Variants in FBXL7 observed in about 807,000 individuals in gnomAD.
The protein encoded by FBXL7 is F-box and leucine rich repeat protein 7, also known as F-box/LRR-repeat protein 7.
FBXL7 carries 12 observed loss-of-function variants against 38.3 expected under a neutral mutation model. That is an observed-to-expected ratio of 0.31 (90% CI 0.20 to 0.51). FBXL7 has a LOEUF of 0.51. Among genes scored for constraint, FBXL7 ranks in the 20% least tolerant of loss-of-function variants. The pLI, the probability that FBXL7 is intolerant of heterozygous loss-of-function variation, is 0.98. For synonymous variants in FBXL7, 297 were observed against 300.9 expected (o/e 0.99, Z 0.13); for missense variants, 567 against 676.4 (o/e 0.84, Z 1.79).
intron 2 of FBXL7, among the ~76,000 whole-genome samples, chr5:15,763,190 C>T (rs1012343642): frequency 5.9e-5 from 9 of 152,122 alleles, no homozygotes; most frequent in African/African-American, 2.2e-4. Context: ...CCCAGCCCTT[C>T]GCACTTGCCA....
intron 2 of FBXL7, among the ~76,000 whole-genome samples, chr5:15,793,358 A>G (rs11949939): frequency 0.042 from 6,346 of 152,248 alleles, 439 homozygotes; most frequent in African/African-American, 0.15. Flanking sequence ...TGGGGACTGC[A>G]GGAGTTCCTG....
At chr5:15,932,704 A>G (rs1387495260) in intron 3 of FBXL7, among the ~76,000 whole-genome samples, 5 of 152,068 alleles carry the variant, frequency 3.3e-5, no homozygotes, top group Non-Finnish European at 5.9e-5. Context: ...TTATCTTACT[A>G]CCTGGACTCC....
At chr5:15,686,357 A>G (rs1025387159) in intron 2 of FBXL7, among the ~76,000 whole-genome samples, 1 of 152,180 alleles carries the variant, frequency 6.6e-6, no homozygotes, top group Non-Finnish European at 1.5e-5. Flanking sequence ...GGTAGAGCAC[A>G]TTCCTTTACA....
chr5:15,536,390 C>T (rs914824733), intron 1 of FBXL7, among the ~76,000 whole-genome samples: 1 of 152,234 alleles, frequency 6.6e-6, no homozygotes, highest in African/African-American at 2.4e-5. Context: ...CACTCAATGC[C>T]AGCCCATGAA....
In FBXL7 at chr5:15,937,676, C is replaced by T. The variant is rs549915157; in HGVS notation, c.*490C>T. ...TAAGTCACTCTCTTCAATCCCACAC[C>T]CATGGACATTCTTGTCAACTCAATA... On this transcript the variant is annotated 3_prime_UTR_variant, in exon 4 of 4. Transcript: ENST00000504595. The T allele has an allele frequency of 1.3e-5, 2 of 159,788 alleles. No homozygotes were observed. Among genetic ancestry groups the T allele is most frequent in the Admixed American group, 1.2e-4 (2 of 17,032 alleles). The allele number at this position is 159,788 out of a possible 1,614,324, so 9.9% of individuals were successfully genotyped here.
At chr5:15,702,170 G>C (rs963068961) in intron 2 of FBXL7, among the ~76,000 whole-genome samples, 2 of 151,606 alleles carry the variant, frequency 1.3e-5, no homozygotes, top group Non-Finnish European at 1.5e-5. Context: ...CCCAGGAGGC[G>C]GAGGTTGCCA....
intron 2 of FBXL7, among the ~76,000 whole-genome samples, chr5:15,823,863 C>T (rs1201958982): frequency 1.3e-5 from 2 of 152,222 alleles, no homozygotes; most frequent in African/African-American, 2.4e-5. Flanking sequence ...CCTGAGCACA[C>T]TTTGACCTGG....
chr5:15,701,966 C>T (rs1743537305), intron 2 of FBXL7, among the ~76,000 whole-genome samples: 2 of 152,114 alleles, frequency 1.3e-5, no homozygotes, highest in African/African-American at 4.8e-5. Flanking sequence ...CAGCCAGGTG[C>T]GGTGGTTCAC....
intron 2 of FBXL7, among the ~76,000 whole-genome samples, chr5:15,859,387 G>C (rs1041692372): frequency 5.9e-5 from 9 of 152,170 alleles, no homozygotes; most frequent in African/African-American, 2.2e-4. Flanking sequence ...TGTCACAACT[G>C]CTGGTATCCA....
intron 1 of FBXL7, among the ~76,000 whole-genome samples, chr5:15,556,735 A>G (rs377305162): frequency 2.0e-5 from 3 of 152,314 alleles, no homozygotes; most frequent in African/African-American, 7.2e-5. Context: ...CAATCTCTCA[A>G]TAAATCATCA....
chr5:15,686,306 C>T (rs561171144), intron 2 of FBXL7, among the ~76,000 whole-genome samples: 9 of 152,200 alleles, frequency 5.9e-5, no homozygotes, highest in South Asian at 2.1e-4. Context: ...CTTTTTGTTT[C>T]GTTGTTCATT....
intron 2 of FBXL7, among the ~76,000 whole-genome samples, chr5:15,757,989 T>G (rs1484736308): frequency 6.6e-6 from 1 of 152,048 alleles, no homozygotes; most frequent in Non-Finnish European, 1.5e-5. Flanking sequence ...TCTCTTTGTC[T>G]TGGCACGCGT....
rs1037499073 is a variant in FBXL7, at chr5:15,640,874, A to C, written c.127+24802A>C. Among the ~76,000 whole-genome samples, 8 of 152,196 alleles carry C rather than the reference A, an allele frequency of 5.3e-5. 1 individual carries two copies. Among genetic ancestry groups the C allele is most frequent in the African/African-American group, 1.9e-4 (8 of 41,534 alleles). ...ATAGGGGACACAATTCAATCCATAA[A>C]AGAGCCTTGGGAGTTGGTCTGCTTT... On this transcript the variant is annotated intron_variant, in intron 2 of 3. Transcript: ENST00000504595.
At chr5:15,735,343 G>T (rs1386534718) in intron 2 of FBXL7, among the ~76,000 whole-genome samples, 2 of 152,212 alleles carry the variant, frequency 1.3e-5, no homozygotes, top group African/African-American at 4.8e-5. Context: ...CAGAGGATGT[G>T]AATCAAAGTA....
At chr5:15,821,080 A>G (rs1226457590) in intron 2 of FBXL7, among the ~76,000 whole-genome samples, 2 of 152,008 alleles carry the variant, frequency 1.3e-5, no homozygotes, top group Admixed American at 6.6e-5. Context: ...CCCCCATCCC[A>G]CTGAATAGAG....
chr5:15,817,963 G>A (rs1330910134), intron 2 of FBXL7, among the ~76,000 whole-genome samples: 1 of 152,144 alleles, frequency 6.6e-6, no homozygotes, highest in Admixed American at 6.5e-5. Flanking sequence ...TAGCGCTTAG[G>A]AGGCATGAAG....
chr5:15,651,587 C>G (rs1214377833), intron 2 of FBXL7, among the ~76,000 whole-genome samples: 1 of 152,104 alleles, frequency 6.6e-6, no homozygotes, highest in African/African-American at 2.4e-5. Flanking sequence ...AGTGGTAGGT[C>G]TCAACAATGG....
rs148165695 is a variant in FBXL7, at chr5:15,645,244, G to T, written c.127+29172G>T. Among the ~76,000 whole-genome samples the T allele has an allele frequency of 9.5e-4, 144 of 152,148 alleles. 5 individuals are homozygous for T. The East Asian group carries it at 0.024, about 25-fold the overall frequency. ...AAATAAATCTTGGGACCCCCAAATC[G>T]CTAAGCTAAAGGGAAAGGTCAAGCT... On this transcript the variant is annotated intron_variant, in intron 2 of 3. Transcript: ENST00000504595.
At chr5:15,627,184 C>T (rs925020089) in intron 2 of FBXL7, among the ~76,000 whole-genome samples, 1 of 152,140 alleles carries the variant, frequency 6.6e-6, no homozygotes, top group Non-Finnish European at 1.5e-5. Flanking sequence ...TGACAAGATC[C>T]ACTACTTCCA....
Sources: allele counts gnomAD v4.1 joint callset (sites outside exome capture counted in the v4.1 genomes callset), GRCh38; gene constraint gnomAD v4.1.1; transcripts MANE v1.5; gene names NCBI Gene and HGNC (gene_info 2026-07-23, HGNC 2026-07-21).